The following ANK3 variants were observed in gnomAD, a reference collection of about 807,000 sequenced individuals.
ANK3 encodes ankyrin-3.
ANK3 carries 57 observed loss-of-function variants against 370.9 expected under a neutral mutation model. The ratio of observed to expected loss-of-function variants is 0.15; its 90% CI spans 0.12 to 0.19. The LOEUF is 0.19. Ranked by LOEUF, ANK3 falls within the 10% of genes least tolerant of loss-of-function variation. The pLI, the probability that ANK3 is intolerant of heterozygous loss-of-function variation, is 1.00. For synonymous variants in ANK3, 1,929 were observed against 1,946.3 expected, an observed-to-expected ratio of 0.99 and a Z score of 0.23; for missense variants, 4,439 against 5,302.1, an observed-to-expected ratio of 0.84 and a Z score of 5.06.
At chr10:60,226,555 G>T (rs867098283) in intron 8 of ANK3, among the ~76,000 whole-genome samples, 1 of 9,340 alleles carries the variant, frequency 1.1e-4, no homozygotes, top group Non-Finnish European at 2.0e-4. Flanking sequence ...ATATACTATA[G>T]TATATATACA....
intron 2 of ANK3, among the ~76,000 whole-genome samples, chr10:60,405,018 A>G (rs1220203781): frequency 6.6e-6 from 1 of 152,214 alleles, no homozygotes; most frequent in Non-Finnish European, 1.5e-5. Flanking sequence ...TTAAAGACTG[A>G]CAACACCAAA....
At position 60,068,968 on chromosome 10, in the gene ANK3, AGTGGTGGTGGTGGTGGCAGTGGTGGTG is replaced by A. The variant is rs758426099; in HGVS notation, c.11886_11912del (p.Ala3966_Thr3974del). On this transcript the variant is annotated inframe_deletion, in exon 37 of 44. Coordinates refer to ENST00000280772, the MANE Select transcript of ANK3 (RefSeq NM_020987.5). ...AGCTGGTGGTGGTGGTAGTGGTGGT[AGTGGTGGTGGTGGTGGCAGTGGTGGTG>A]GTGGTAGTGACACAGGTGGATCTTA... 4.3e-6 allele frequency: 7 copies of A among 1,612,668 alleles called. No individual in the cohort carries two copies. The African/African-American group carries it at 8.0e-5, about 19-fold the overall frequency.
intron 2 of ANK3, among the ~76,000 whole-genome samples, chr10:60,465,789 C>CTTTTTTTT (rs1205787609): frequency 9.1e-6 from 1 of 109,704 alleles, no homozygotes; most frequent in Non-Finnish European, 2.0e-5. Context: ...TTTTTTCTTT[C>CTTTTTTTT]TTTTTTTTTT....
At chr10:60,223,542 G>A (rs1447714032) in intron 8 of ANK3, among the ~76,000 whole-genome samples, 1 of 152,102 alleles carries the variant, frequency 6.6e-6, no homozygotes, top group Non-Finnish European at 1.5e-5. Context: ...GTCCATGAAA[G>A]TTGCCTAATA....
intron 2 of ANK3, among the ~76,000 whole-genome samples, chr10:60,596,761 T>C (rs952930417): frequency 1.3e-5 from 2 of 152,196 alleles, no homozygotes; most frequent in African/African-American, 2.4e-5. Flanking sequence ...AGAATTCTCC[T>C]GATTAAAAAA....
intron 2 of ANK3, among the ~76,000 whole-genome samples, chr10:60,541,547 GT>G (rs2076849249): frequency 6.6e-6 from 1 of 151,896 alleles, no homozygotes; most frequent in African/African-American, 2.4e-5. Flanking sequence ...GAAGCCAACA[GT>G]TTTGGAAAAA....
chr10:60,626,942 G>A (rs971501981), intron 1 of ANK3, among the ~76,000 whole-genome samples: 1 of 152,020 alleles, frequency 6.6e-6, no homozygotes, highest in Non-Finnish European at 1.5e-5. Flanking sequence ...CCACATAGAG[G>A]TAAAAGCGGG....
chr10:60,245,392 T>C (rs1274898704), intron 7 of ANK3, among the ~76,000 whole-genome samples: 1 of 152,214 alleles, frequency 6.6e-6, no homozygotes, highest in Non-Finnish European at 1.5e-5. Flanking sequence ...TACAATTCAG[T>C]GATTTTTTTA....
intron 1 of ANK3, among the ~76,000 whole-genome samples, chr10:60,712,831 G>A (rs566379615): frequency 6.6e-6 from 1 of 152,210 alleles, no homozygotes; most frequent in East Asian, 1.9e-4. Context: ...TTAAAACGCT[G>A]ACTTCAGAGC....
chr10:60,067,926 T>A lies in ANK3; in HGVS notation c.12319+9A>T. ...CTAATTTGTTCCATTCAGGAGTGTA[T>A]GCACTTACCTGTCCAACTAAGTCCC... On this transcript the variant is annotated intron_variant, in intron 38 of 43. Coordinates refer to ENST00000280772, the MANE Select transcript of ANK3 (RefSeq NM_020987.5). 6.2e-7 allele frequency: 1 copy of A among 1,600,386 alleles called. No homozygotes were observed. The highest frequency in any genetic ancestry group is 1.1e-5 in the South Asian group (1 of 89,242).
At chr10:60,396,786 C>T (rs1191045663) in intron 2 of ANK3, among the ~76,000 whole-genome samples, 1 of 152,176 alleles carries the variant, frequency 6.6e-6, no homozygotes, top group African/African-American at 2.4e-5. Context: ...CTTACGCCAA[C>T]TTTGTCGCTA....
In ANK3 at chr10:60,200,140, C is replaced by G; in HGVS notation, c.1480G>C (p.Ala494Pro). The G allele has an allele frequency of 6.2e-7, 1 of 1,614,010 alleles. No homozygotes were observed. The highest frequency in any genetic ancestry group is 8.5e-7 in the Non-Finnish European group (1 of 1,179,884). The change falls in exon 13 of 44, where the codon GCT (alanine) becomes CCT (proline). Residue 494 changes from alanine to proline, a missense_variant. By Grantham distance (27) the Ala-to-Pro change is conservative (BLOSUM62 -1). Transcript: ENST00000280772. ...AGTATTGCGCATACCTTAGCTTTAGCTTCTACCTGAGCTCCGTCTTGTACC... is the reference window on the plus strand; with the variant it reads ...AGTATTGCGCATACCTTAGCTTTAGGTTCTACCTGAGCTCCGTCTTGTACC... ...YLVQDGAQVE[A>P]KAKDDQTPLH...
intron 2 of ANK3, among the ~76,000 whole-genome samples, chr10:60,474,703 C>G (rs181982332): frequency 6.6e-6 from 1 of 152,000 alleles, no homozygotes; most frequent in Non-Finnish European, 1.5e-5. Context: ...GGGTGTTTTC[C>G]AGTATGAATT....
At chr10:60,453,111 G>A (rs1023388368) in intron 2 of ANK3, among the ~76,000 whole-genome samples, 5 of 152,208 alleles carry the variant, frequency 3.3e-5, no homozygotes, top group African/African-American at 1.2e-4. Flanking sequence ...ACAATCTTTA[G>A]AAACAGACTT....
intron 2 of ANK3, among the ~76,000 whole-genome samples, chr10:60,554,964 C>T (rs7897894): frequency 3.7e-3 from 567 of 152,120 alleles, no homozygotes; most frequent in African/African-American, 0.013. Context: ...TGATTCTCTC[C>T]GCAGAAATAT....
At position 60,064,668 on chromosome 10, in the gene ANK3, CACAGCAACA is replaced by C. The variant is rs574394048; in HGVS notation, c.12320-389_12320-381del. Among the ~76,000 whole-genome samples, 682 of 110,536 alleles carry C rather than the reference CACAGCAACA, an allele frequency of 6.2e-3. 7 individuals carry two copies. Among genetic ancestry groups the C allele is most frequent in the South Asian group, 0.011 (40 of 3,720 alleles). 72.5% of individuals were successfully genotyped at this position (110,536 alleles called of 152,430 possible). ...ATGGCAAAACCCCGGTCTCCATACA[CACAGCAACA>C]ACAACAACAACAACAACAACAACAA... On this transcript the variant is annotated intron_variant, in intron 38 of 43. Coordinates refer to ENST00000280772, the MANE Select transcript of ANK3 (RefSeq NM_020987.5).
intron 1 of ANK3, among the ~76,000 whole-genome samples, chr10:60,715,285 T>C (rs971473581): frequency 6.6e-6 from 1 of 151,376 alleles, no homozygotes; most frequent in African/African-American, 2.4e-5. Flanking sequence ...GCAAACACGG[T>C]GTTTGATTTA....
rs139028996 is a variant in ANK3 at position 60,646,038 on chromosome 10, C to T, written c.58-30814G>A. The stretch of plus-strand genomic sequence containing the variant: ...TATCAACTATGGGGAAGAGAAGGAG[C>T]TCTTAGGAAAGTGGCATTTAAACTG... On this transcript the variant is annotated intron_variant, in intron 1 of 43. Coordinates refer to the ANK3 transcript ENST00000373827. 2.7e-3 allele frequency among the ~76,000 whole-genome samples: 397 copies of T among 149,618 alleles called. 9 individuals carry two copies. The highest frequency in any genetic ancestry group is 2.2e-4 in the Non-Finnish European group (15 of 67,302).
intron 5 of ANK3, among the ~76,000 whole-genome samples, chr10:60,265,696 A>T (rs987445770): frequency 6.6e-6 from 1 of 152,182 alleles, no homozygotes; most frequent in African/African-American, 2.4e-5. Context: ...GCACATATGC[A>T]CCAAGGTCTT....
Sources: gnomAD v4.1 joint callset for allele counts (sites outside exome capture counted in the v4.1 genomes callset) on GRCh38, gnomAD v4.1.1 for gene constraint, MANE v1.5 for transcripts, NCBI Gene and HGNC (gene_info 2026-07-23, HGNC 2026-07-21) for gene names.